Variants in DENND1A observed in about 807,000 individuals in gnomAD.
DENND1A encodes the protein DENN domain-containing protein 1A.
A neutral mutation model predicts 113.7 loss-of-function variants in DENND1A; 51 were observed. That is an observed-to-expected ratio of 0.45 (90% confidence interval 0.36 to 0.57). The LOEUF (loss-of-function observed/expected upper bound fraction) is 0.57, where lower values mean the gene tolerates loss of function less well. Ranked by LOEUF, DENND1A falls within the 20% of genes least tolerant of loss-of-function variation. The pLI, the probability that DENND1A is intolerant of heterozygous loss-of-function variation, is 0.00. For synonymous variants in DENND1A, 565 were observed against 570.8 expected, an observed-to-expected ratio of 0.99 and a Z score of 0.14; for missense variants, 1,258 against 1,395.9, an observed-to-expected ratio of 0.90 and a Z score of 1.57.
intron 13 of DENND1A, among the ~76,000 whole-genome samples, chr9:123,552,043 G>GAC (rs2057111699): frequency 1.4e-5 from 2 of 146,232 alleles, no homozygotes; most frequent in African/African-American, 5.0e-5. Flanking sequence ...GAGAGACAGA[G>GAC]AGAGAGAGAG....
intron 5 of DENND1A, among the ~76,000 whole-genome samples, chr9:123,753,431 C>CCTT (rs1314081036): frequency 6.6e-6 from 1 of 152,318 alleles, no homozygotes; most frequent in East Asian, 1.9e-4. Flanking sequence ...ATGGCTTAAC[C>CCTT]CTTCATGGAC....
chr9:123,886,666 A>G (rs889014916), intron 1 of DENND1A, among the ~76,000 whole-genome samples: 4 of 152,228 alleles, frequency 2.6e-5, no homozygotes, highest in African/African-American at 9.6e-5. Context: ...AAAATTTCCA[A>G]CAAGTCTCCA....
chr9:123,632,379 T>C (rs1019699475), intron 9 of DENND1A, among the ~76,000 whole-genome samples: 2 of 152,140 alleles, frequency 1.3e-5, no homozygotes, highest in Non-Finnish European at 2.9e-5. Flanking sequence ...GATATAGATA[T>C]ATATATCTCA....
intron 22 of DENND1A, among the ~76,000 whole-genome samples, chr9:123,384,746 G>A (rs565375877): frequency 2.0e-5 from 3 of 152,256 alleles, no homozygotes; most frequent in East Asian, 3.9e-4. Flanking sequence ...TCAGGAGTTC[G>A]AGACCAGCCT....
chr9:123,513,097 G>C (rs73577321), intron 13 of DENND1A, among the ~76,000 whole-genome samples: 6 of 152,186 alleles, frequency 3.9e-5, no homozygotes. Context: ...GTCATTCAAG[G>C]CCTGTTTACC....
At chr9:123,487,144 G>C (rs2050949511) in intron 13 of DENND1A, among the ~76,000 whole-genome samples, 1 of 152,232 alleles carries the variant, frequency 6.6e-6, no homozygotes, top group African/African-American at 2.4e-5. Context: ...GCCAAACAGA[G>C]GTCACTGAGA....
At position 123,562,449 on chromosome 9, in the gene DENND1A, G is replaced by A. The variant is rs532227828; in HGVS notation, c.868-4754C>T. On this transcript the variant is annotated intron_variant, in intron 12 of 23. Transcript: ENST00000394215. ...ACATAGCTGCCAAAAAGGACATGGCGGTACTCTATGAACTGACACAAAAAG... is the reference window on the plus strand; with the variant it reads ...ACATAGCTGCCAAAAAGGACATGGCAGTACTCTATGAACTGACACAAAAAG... 2.0e-5 allele frequency among the ~76,000 whole-genome samples: 3 copies of A among 152,246 alleles called. No individual in the cohort carries two copies. The East Asian group carries it at 5.8e-4, about 29-fold the overall frequency.
intron 1 of DENND1A, among the ~76,000 whole-genome samples, chr9:123,888,534 C>T (rs1849431968): frequency 6.6e-6 from 1 of 152,188 alleles, no homozygotes; most frequent in Non-Finnish European, 1.5e-5. Context: ...GAAGAAACTG[C>T]TGGACCGCAA....
chr9:123,465,189 G>GA (rs375411027), intron 13 of DENND1A, among the ~76,000 whole-genome samples: 247 of 129,528 alleles, frequency 1.9e-3, no homozygotes, highest in African/African-American at 4.7e-3. Flanking sequence ...TCAAAAAAAA[G>GA]AAAAAAAAAA....
intron 1 of DENND1A, among the ~76,000 whole-genome samples, chr9:123,929,622 AG>A (rs1379621304): frequency 6.6e-6 from 1 of 151,852 alleles, no homozygotes; most frequent in Non-Finnish European, 1.5e-5. Flanking sequence ...AAACCCGGGG[AG>A]GGGGCCGCCC....
At chr9:123,483,267 C>A (rs1025677334) in intron 13 of DENND1A, among the ~76,000 whole-genome samples, 2 of 152,198 alleles carry the variant, frequency 1.3e-5, no homozygotes, top group South Asian at 2.1e-4. Flanking sequence ...AGGCCCCATG[C>A]AGGGACTATG....
intron 4 of DENND1A, among the ~76,000 whole-genome samples, chr9:123,768,448 A>G (rs1829185111): frequency 6.6e-6 from 1 of 152,190 alleles, no homozygotes; most frequent in South Asian, 2.1e-4. Flanking sequence ...AAATCACTGA[A>G]ATCTTACAGG....
At chr9:123,390,445 G>C (rs1330418452) in intron 21 of DENND1A, among the ~76,000 whole-genome samples, 1 of 152,190 alleles carries the variant, frequency 6.6e-6, no homozygotes, top group Non-Finnish European at 1.5e-5. Flanking sequence ...GTAGGTAGGG[G>C]CAGGCAGAAA....
intron 5 of DENND1A, among the ~76,000 whole-genome samples, chr9:123,743,694 T>C (rs1440706197): frequency 6.6e-6 from 1 of 151,438 alleles, no homozygotes; most frequent in East Asian, 1.9e-4. Context: ...ACCACGCAAT[T>C]GCACTTCAAC....
At chr9:123,438,299 C>T (rs763093773) in intron 19 of DENND1A, among the ~76,000 whole-genome samples, 1 of 152,160 alleles carries the variant, frequency 6.6e-6, no homozygotes, top group Admixed American at 6.5e-5. Context: ...GCTCAAGCCC[C>T]CCTCCCTCTG....
At chr9:123,621,805 C>T (rs184809199) in intron 10 of DENND1A, among the ~76,000 whole-genome samples, 2 of 152,268 alleles carry the variant, frequency 1.3e-5, no homozygotes, top group South Asian at 2.1e-4. Flanking sequence ...TTCATGGCAC[C>T]GATGAAGACA....
intron 16 of DENND1A, among the ~76,000 whole-genome samples, chr9:123,453,855 A>G (rs1449685312): frequency 2.6e-5 from 4 of 152,222 alleles, no homozygotes; most frequent in Non-Finnish European, 4.4e-5. Flanking sequence ...AAAATTACTC[A>G]GTATCCCATT....
chr9:123,746,112 A>C (rs2069481581), intron 5 of DENND1A, among the ~76,000 whole-genome samples: 1 of 152,192 alleles, frequency 6.6e-6, no homozygotes, highest in Admixed American at 6.5e-5. Flanking sequence ...ATGTTTACTT[A>C]TGTGTGTATA....
chr9:123,479,627 T>C (rs2050177412), intron 13 of DENND1A, among the ~76,000 whole-genome samples: 2 of 152,334 alleles, frequency 1.3e-5, no homozygotes, highest in South Asian at 4.1e-4. Flanking sequence ...AGGGACTGGT[T>C]AGTTGGGCGG....
Sources: gnomAD v4.1 joint callset for allele counts (sites outside exome capture counted in the v4.1 genomes callset) on GRCh38, gnomAD v4.1.1 for gene constraint, MANE v1.5 for transcripts, NCBI Gene and HGNC (gene_info 2026-07-23, HGNC 2026-07-21) for gene names.